The following TMEM135 variants were observed in gnomAD, a reference collection of about 807,000 sequenced individuals.
TMEM135 encodes transmembrane protein 135.
TMEM135 carries 30 observed loss-of-function variants against 60.3 expected under a neutral mutation model. That is an observed-to-expected ratio of 0.50 (90% CI 0.37 to 0.68). The LOEUF (loss-of-function observed/expected upper bound fraction) is 0.68, where lower values mean the gene tolerates loss of function less well. TMEM135 is among the 30% of genes least tolerant of loss of function. TMEM135 has a pLI of 0.00. For synonymous variants in TMEM135, 190 were observed against 186.7 expected, an observed-to-expected ratio of 1.02 and a Z score of -0.14; for missense variants, 468 against 548.8, an observed-to-expected ratio of 0.85 and a Z score of 1.47.
intron 4 of TMEM135, among the ~76,000 whole-genome samples, chr11:87,110,195 C>T (rs914154290): frequency 3.9e-5 from 6 of 152,100 alleles, no homozygotes; most frequent in Non-Finnish European, 8.8e-5. Flanking sequence ...TATTTTTGGT[C>T]TGTATACCAC....
intron 1 of TMEM135, among the ~76,000 whole-genome samples, chr11:87,065,207 C>T (rs1029972056): frequency 3.3e-5 from 5 of 152,006 alleles, no homozygotes; most frequent in Admixed American, 2.0e-4. Flanking sequence ...GATAAATACC[C>T]CAGGACTACA....
Position 87,306,010 on chromosome 11 carries a change from G to A in TMEM135, c.768+5G>A. 1 of 1,550,528 alleles carries A rather than the reference G, an allele frequency of 6.4e-7. No individual in the cohort carries two copies. Among genetic ancestry groups the A allele is most frequent in the Non-Finnish European group, 8.8e-7 (1 of 1,130,674 alleles). ...TGCATCTCTTATTGCATTAAAGTAA[G>A]TATATGAAAGTATGTACTTTATTAA... On this transcript the variant is annotated splice_donor_5th_base_variant and intron_variant, in intron 9 of 14. Coordinates refer to ENST00000305494, the MANE Select transcript of TMEM135 (RefSeq NM_022918.4).
intron 6 of TMEM135, among the ~76,000 whole-genome samples, chr11:87,247,704 C>G (rs1050612980): frequency 2.0e-5 from 3 of 152,152 alleles, no homozygotes; most frequent in African/African-American, 4.8e-5. Context: ...TTAAGCCTGT[C>G]GGAAAAGCGC....
intron 3 of TMEM135, among the ~76,000 whole-genome samples, chr11:87,073,027 TCTTA>T (rs770518981): frequency 1.3e-4 from 20 of 152,206 alleles, no homozygotes; most frequent in South Asian, 2.1e-4. Flanking sequence ...TGGAAGCCAC[TCTTA>T]CTTATTTATT....
rs530055923 is a variant in TMEM135, at chr11:87,301,918, T to C, written c.552-378T>C. Among the ~76,000 whole-genome samples, 7 of 152,354 alleles carry C rather than the reference T, an allele frequency of 4.6e-5. No individual in the cohort carries two copies. In the South Asian group the frequency reaches 1.2e-3, roughly 27 times the overall value. The stretch of plus-strand genomic sequence containing the variant: ...ATATGAGGACTTGGGGAATCCTGAC[T>C]GTTTTCTGATTCCTGGTCTGTACTG... On this transcript the variant is annotated intron_variant, in intron 7 of 14. Coordinates refer to ENST00000305494, the MANE Select transcript of TMEM135 (RefSeq NM_022918.4).
chr11:87,259,349 G>T, intron 6 of TMEM135: 1 of 310,644 alleles, frequency 3.2e-6, no homozygotes, highest in Non-Finnish European at 6.4e-6. Flanking sequence ...TTTTTGAAAT[G>T]AATGACAACA....
Position 87,173,812 on chromosome 11 carries a change from C to T in TMEM135, c.462+16406C>T, listed in dbSNP as rs149160412. 1.8e-3 allele frequency among the ~76,000 whole-genome samples: 276 copies of T among 152,172 alleles called. 4 individuals carry two copies. The highest frequency in any genetic ancestry group is 6.2e-3 in the African/African-American group (259 of 41,540). On this transcript the variant is annotated intron_variant, in intron 5 of 14. Transcript: ENST00000305494. The stretch of plus-strand genomic sequence containing the variant: ...GCTATACTAATAGCAGTGTTATTGG[C>T]ACTTCTGAGTGATTATTTCCTTCCT...
Position 87,306,284 on chromosome 11 carries a change from A to G in TMEM135, c.768+279A>G, listed in dbSNP as rs186690500. Among the ~76,000 whole-genome samples the G allele has an allele frequency of 1.2e-4, 19 of 152,346 alleles. No individual in the cohort carries two copies. The East Asian group carries it at 3.7e-3, about 29-fold the overall frequency. On this transcript the variant is annotated intron_variant, in intron 9 of 14. Transcript: ENST00000305494. ...TAGAAGATAAGATGGGATAACAACA[A>G]GGAAACATAAAGTCATTAAAATTTG...
intron 5 of TMEM135, among the ~76,000 whole-genome samples, chr11:87,219,231 A>C (rs761547881): frequency 6.6e-6 from 1 of 152,180 alleles, no homozygotes; most frequent in African/African-American, 2.4e-5. Flanking sequence ...AAATCACCTA[A>C]ATTTTGGAGG....
At chr11:87,091,247 C>CT in intron 3 of TMEM135, 115 bp from the exon 4 acceptor site, 2 of 876,138 alleles carry the variant, frequency 2.3e-6, no homozygotes, top group Non-Finnish European at 3.6e-6. Flanking sequence ...TCTAAGATAC[C>CT]AGTACGTTTC....
At chr11:87,307,876 T>G (rs1942578592) in intron 9 of TMEM135, among the ~76,000 whole-genome samples, 1 of 152,230 alleles carries the variant, frequency 6.6e-6, no homozygotes, top group South Asian at 2.1e-4. Flanking sequence ...AACTTTTTCT[T>G]GGTTCCTTAT....
chr11:87,103,492 TTG>T (rs200397687), intron 4 of TMEM135, among the ~76,000 whole-genome samples: 53,801 of 122,826 alleles, frequency 0.44, 10,112 homozygotes, highest in East Asian at 0.63. Context: ...TTTTTTTTTT[TTG>T]TTTGTTTTTT....
chr11:87,168,985 T>C (rs1300212681), intron 5 of TMEM135, among the ~76,000 whole-genome samples: 3 of 152,114 alleles, frequency 2.0e-5, no homozygotes, highest in African/African-American at 7.2e-5. Context: ...TGGGTGCTCC[T>C]GTATTGGGTG....
intron 1 of TMEM135, among the ~76,000 whole-genome samples, chr11:87,055,730 A>G (rs559949971): frequency 1.3e-4 from 20 of 152,148 alleles, no homozygotes; most frequent in African/African-American, 4.8e-4. Context: ...AGCTGGGACT[A>G]CAAGTATGCG....
chr11:87,083,892 A>G (rs1375218717), intron 3 of TMEM135, among the ~76,000 whole-genome samples: 2 of 152,156 alleles, frequency 1.3e-5, no homozygotes, highest in African/African-American at 2.4e-5. Flanking sequence ...AGCCATTACA[A>G]TGTTTAGGAA....
intron 3 of TMEM135, among the ~76,000 whole-genome samples, chr11:87,076,415 G>A (rs1056058709): frequency 2.6e-5 from 4 of 152,154 alleles, no homozygotes; most frequent in Non-Finnish European, 5.9e-5. Flanking sequence ...CCAGGCCTGG[G>A]ACTCACCCTT....
At chr11:87,054,447 GA>G (rs941473673) in intron 1 of TMEM135, among the ~76,000 whole-genome samples, 1 of 151,756 alleles carries the variant, frequency 6.6e-6, no homozygotes, top group Non-Finnish European at 1.5e-5. Context: ...AAGAAAAAAA[GA>G]AAAAAAGAAA....
At chr11:87,210,916 T>C (rs1372208380) in intron 5 of TMEM135, among the ~76,000 whole-genome samples, 1 of 152,178 alleles carries the variant, frequency 6.6e-6, no homozygotes, top group Non-Finnish European at 1.5e-5. Flanking sequence ...TTTTAATAGA[T>C]GCAGAAAAGG....
chr11:87,104,856 G>A (rs1419963405), intron 4 of TMEM135, among the ~76,000 whole-genome samples: 1 of 152,146 alleles, frequency 6.6e-6, no homozygotes, highest in East Asian at 1.9e-4. Flanking sequence ...AGATCATACA[G>A]TCTACAAACA....
Sources: gnomAD v4.1 joint callset for allele counts (sites outside exome capture counted in the v4.1 genomes callset) on GRCh38, gnomAD v4.1.1 for gene constraint, MANE v1.5 for transcripts, NCBI Gene and HGNC (gene_info 2026-07-23, HGNC 2026-07-21) for gene names.